The following ZDHHC6 variants were observed in gnomAD, a reference collection of about 807,000 sequenced individuals.
The protein encoded by ZDHHC6 is palmitoyltransferase ZDHHC6.
In ZDHHC6, 32 loss-of-function variants were observed where a neutral mutation model predicts 57.8. The observed-to-expected ratio is 0.55, with a 90% CI of 0.42 to 0.74. ZDHHC6 has a LOEUF of 0.74. ZDHHC6 is among the 30% of genes least tolerant of loss of function. The pLI, the probability that ZDHHC6 is intolerant of heterozygous loss-of-function variation, is 0.00. For synonymous variants in ZDHHC6, 128 were observed against 158.0 expected, an observed-to-expected ratio of 0.81 and a Z score of 1.42; for missense variants, 433 against 500.7, an observed-to-expected ratio of 0.86 and a Z score of 1.29.
At chr10:112,442,097 A>G in intron 4 of ZDHHC6, 95 bp downstream of exon 4, 1 of 1,336,482 alleles carries the variant, frequency 7.5e-7, no homozygotes, top group Non-Finnish European at 9.8e-7. Flanking sequence ...AAATCACAGA[A>G]AGCATATTTC....
chr10:112,445,651 C>A lies in ZDHHC6; in HGVS notation c.-214-1G>T. The A allele has an allele frequency of 1.8e-6, 1 of 562,142 alleles. No homozygotes were observed. Among genetic ancestry groups the A allele is most frequent in the Non-Finnish European group, 3.1e-6 (1 of 327,262 alleles). 34.8% of individuals were successfully genotyped at this position (562,142 alleles called of 1,614,324 possible). A position where few individuals can be genotyped will look rare whatever the true frequency, so the allele number is the denominator to read the frequency against. The stretch of plus-strand genomic sequence containing the variant: ...CCAGTGTCTTGGTCTGAAACCCAAC[C>A]TAAAGAAAACAAAATGGGAAAGTTC... On this transcript the variant is annotated splice_acceptor_variant, in intron 1 of 10. Coordinates refer to ENST00000369405, the MANE Select transcript of ZDHHC6 (RefSeq NM_022494.3). LOFTEE classifies it low-confidence loss of function (5UTR_SPLICE).
intron 8 of ZDHHC6, among the ~76,000 whole-genome samples, chr10:112,432,922 TA>T (rs1845176619): frequency 6.6e-6 from 1 of 152,166 alleles, no homozygotes; most frequent in African/African-American, 2.4e-5. Context: ...CAAATTTAAA[TA>T]AAACAGCCAC....
chr10:112,443,719 G>A lies in ZDHHC6; in HGVS notation c.268-113C>T, dbSNP rs1403240036. 1.5e-5 allele frequency: 11 copies of A among 730,254 alleles called. No individual in the cohort carries two copies. The Admixed American group carries it at 3.1e-4, about 21-fold the overall frequency. 45.2% of individuals were successfully genotyped at this position (730,254 alleles called of 1,614,324 possible). On this transcript the variant is annotated intron_variant, in intron 2 of 10. Transcript: ENST00000369405. ...TAGGGGAAGGAGAGAATCTTAACTT[G>A]CATTTCCAGTCCTCTTATTTGAGCT...
At chr10:112,445,121 A>T in intron 2 of ZDHHC6, 49 bp downstream of exon 2, 2 of 1,569,526 alleles carry the variant, frequency 1.3e-6, no homozygotes, top group Non-Finnish European at 8.6e-7. Context: ...GGCAAAAACC[A>T]AATATACGAT....
chr10:112,427,228 T>C (rs755090455), downstream of ZDHHC6: 1 of 1,611,520 alleles, frequency 6.2e-7, no homozygotes, highest in South Asian at 1.1e-5. Flanking sequence ...GTCAAAGCCA[T>C]TTTTCTTCAT....
intron 2 of ZDHHC6, among the ~76,000 whole-genome samples, chr10:112,444,525 T>G (rs1202082201): frequency 6.6e-6 from 1 of 152,210 alleles, no homozygotes; most frequent in Non-Finnish European, 1.5e-5. Flanking sequence ...TATACACCAG[T>G]GCTTCCCGAA....
intron 4 of ZDHHC6, among the ~76,000 whole-genome samples, chr10:112,441,683 T>C (rs1460586734): frequency 5.9e-5 from 9 of 152,158 alleles, no homozygotes; most frequent in Non-Finnish European, 1.3e-4. Flanking sequence ...TCAAGGCCTG[T>C]TTAGGGAGGT....
intron 3 of ZDHHC6, among the ~76,000 whole-genome samples, chr10:112,442,613 G>A (rs1846230643): frequency 6.6e-6 from 1 of 152,186 alleles, no homozygotes; most frequent in Non-Finnish European, 1.5e-5. Context: ...TTTGTTTAAA[G>A]AAGTCAGGAG....
intron 10 of ZDHHC6, 57 bp from the exon 11 acceptor site, chr10:112,430,964 TGAAA>T: frequency 1.4e-6 from 2 of 1,431,258 alleles, no homozygotes; most frequent in Non-Finnish European, 2.0e-6. Flanking sequence ...GTGACATTAC[TGAAA>T]GCAGTAAGTC....
downstream of ZDHHC6, chr10:112,428,398 C>T: frequency 2.5e-6 from 1 of 398,516 alleles, no homozygotes; most frequent in Non-Finnish European, 4.4e-6. Flanking sequence ...GTGTTTCTTT[C>T]CTCATGGACC....
chr10:112,447,040 C>T (rs1846841131), upstream of ZDHHC6: 1 of 287,564 alleles, frequency 3.5e-6, no homozygotes, highest in African/African-American at 2.1e-5. Context: ...TCCCAGAACA[C>T]GAAGGGGGGA....
At position 112,432,402 on chromosome 10, in the gene ZDHHC6, T is replaced by C; in HGVS notation, c.1065A>G (p.Glu355=). 6.2e-7 allele frequency: 1 copy of C among 1,614,172 alleles called. No homozygotes were observed. The highest frequency in any genetic ancestry group is 8.5e-7 in the Non-Finnish European group (1 of 1,180,026). The part of the protein sequence containing the change: ...EEPRIQLQKG[E]FILATRGLRY... ...GTAAACCTCTTGTGGCTAAAATGAA[T>C]TCCCCTTTTTGCAGCTGTATTCGAG... Residue 355 remains glutamate, a synonymous_variant, in exon 9 of 11, where the codon GAA becomes GAG. Coordinates refer to ENST00000369405, the MANE Select transcript of ZDHHC6 (RefSeq NM_022494.3).
Position 112,445,367 on chromosome 10 carries a change from G to A in ZDHHC6, c.70C>T (p.Pro24Ser). The stretch of plus-strand genomic sequence containing the variant: ...GCTATAACACCAAGGGCTATGATGG[G>A]ACCCCAGTGACACAGTCTCTTTAAT... ...QELKRLCHWG[P>S]IIALGVIAIC... The change falls in exon 2 of 11, where the codon CCC becomes TCC. Residue 24 changes from proline (P) to serine (S), a missense_variant. Coordinates refer to ENST00000369405, the MANE Select transcript of ZDHHC6 (RefSeq NM_022494.3). 2 of 1,614,184 alleles carry A rather than the reference G, an allele frequency of 1.2e-6. No homozygotes were observed. Among genetic ancestry groups the A allele is most frequent in the Non-Finnish European group, 1.7e-6 (2 of 1,180,034 alleles).
Position 112,445,179 on chromosome 10 carries a change from C to A in ZDHHC6, c.258G>T (p.Gly86=), listed in dbSNP as rs1846529263. The A allele has an allele frequency of 6.2e-7, 1 of 1,612,428 alleles. No individual in the cohort carries two copies. The highest frequency in any genetic ancestry group is 1.7e-5 in the Admixed American group (1 of 59,972). Residue 86 remains glycine (G), a synonymous_variant, in exon 2 of 11, where the codon GGG becomes GGT. Transcript: ENST00000369405. The part of the protein sequence containing the change: ...MFVGPGFVPL[G]WKPEISQDTM... ...ACAGAATCTTTCTTACCGGTTTCCA[C>A]CCCAGAGGGACAAAGCCCGGACCGA... is the stretch of plus-strand genomic sequence containing the variant.
chr10:112,437,418 T>C (rs1845645665), intron 6 of ZDHHC6, among the ~76,000 whole-genome samples: 1 of 152,168 alleles, frequency 6.6e-6, no homozygotes, highest in African/African-American at 2.4e-5. Flanking sequence ...GGTATAAAAA[T>C]CTTATTGATA....
rs865870629 is a variant in ZDHHC6 at position 112,445,346 on chromosome 10, T to C, written c.91A>G (p.Ile31Val). 3.1e-6 allele frequency: 5 copies of C among 1,614,124 alleles called. No homozygotes were observed. The highest frequency in any genetic ancestry group is 1.6e-4 in the Middle Eastern group (1 of 6,084). ...ATGGCCATGGTAGAACATATTGCTA[T>C]AACACCAAGGGCTATGATGGGACCC... ...HWGPIIALGVIAICSTMAMID... is the reference protein window; with the variant it reads ...HWGPIIALGVVAICSTMAMID... The change falls in exon 2 of 11, where the codon ATA becomes GTA. Residue 31 changes from isoleucine (I) to valine (V), a missense_variant. Coordinates refer to ENST00000369405, the MANE Select transcript of ZDHHC6 (RefSeq NM_022494.3).
Position 112,446,847 on chromosome 10 carries a change from C to T in ZDHHC6, c.-357G>A, listed in dbSNP as rs1166606603. 1 of 185,106 alleles carries T rather than the reference C, an allele frequency of 5.4e-6. No individual in the cohort carries two copies. The highest frequency in any genetic ancestry group is 9.3e-5 in the East Asian group (1 of 10,716). The allele number at this position is 185,106 out of a possible 1,614,324, so 11.5% of individuals were successfully genotyped here. A position where few individuals can be genotyped will look rare whatever the true frequency, so the allele number is the denominator to read the frequency against. On this transcript the variant is annotated 5_prime_UTR_variant, in exon 1 of 11. Transcript: ENST00000369405. ...ACAAGCAGAGAGCAAACCCTGGCAG[C>T]GAGAGGCTGGAGTGCGGGACCTGCT...
Position 112,445,395 on chromosome 10 carries a change from T to C in ZDHHC6, c.42A>G (p.Gln14=). 1 of 1,614,182 alleles carries C rather than the reference T, an allele frequency of 6.2e-7. No individual in the cohort carries two copies. The highest frequency in any genetic ancestry group is 8.5e-7 in the Non-Finnish European group (1 of 1,180,010). The change falls in exon 2 of 11, where the codon CAA becomes CAG. Residue 14 remains glutamine (Q), a synonymous_variant. Coordinates refer to ENST00000369405, the MANE Select transcript of ZDHHC6 (RefSeq NM_022494.3). ...CCCAGTGACACAGTCTCTTTAATTC[T>C]TGTAGATTTTCAAACTTGATAACCG... is the stretch of plus-strand genomic sequence containing the variant. ...FCSVIKFENL[Q]ELKRLCHWGP...
intron 9 of ZDHHC6, 43 bp downstream of exon 9, chr10:112,432,333 A>AT (rs1416783705): frequency 6.2e-7 from 1 of 1,609,522 alleles, no homozygotes; most frequent in Admixed American, 1.7e-5. Context: ...CTAGATATTA[A>AT]TTTTGTCCTT....
Sources: gnomAD v4.1 joint callset for allele counts (sites outside exome capture counted in the v4.1 genomes callset) on GRCh38, gnomAD v4.1.1 for gene constraint, MANE v1.5 for transcripts, NCBI Gene and HGNC (gene_info 2026-07-23, HGNC 2026-07-21) for gene names.